SDC3: variants seen among roughly 807,000 people sequenced by gnomAD.
SDC3 encodes the protein syndecan-3.
Under a neutral mutation model 24.4 loss-of-function variants are expected in SDC3, and 13 were observed. The ratio of observed to expected loss-of-function variants is 0.53; its 90% CI spans 0.35 to 0.85. The LOEUF is 0.85. Ranked by LOEUF, SDC3 falls within the 40% of genes least tolerant of loss-of-function variation. The pLI, the probability that SDC3 is intolerant of heterozygous loss-of-function variation, is 0.01. For missense variants in SDC3, 571 were observed against 584.5 expected (o/e 0.98, Z 0.24); for synonymous variants, 295 against 260.9 (o/e 1.13, Z -1.26).
chr1:30,909,105 G>A (rs1055104840), upstream of SDC3, among the ~76,000 whole-genome samples: 2 of 152,166 alleles, frequency 1.3e-5, no homozygotes, highest in Non-Finnish European at 2.9e-5. Context: ...GCCGAGCGGA[G>A]GGGTCGCATG....
chr1:30,891,615 C>T (rs1393910103), intron 1 of SDC3, among the ~76,000 whole-genome samples: 11 of 152,152 alleles, frequency 7.2e-5, no homozygotes, highest in Admixed American at 6.5e-4. Flanking sequence ...CAGTGGCTCA[C>T]ACCTGTAATC....
chr1:30,908,466 C>CCAGCAG lies in SDC3; in HGVS notation c.115_120dup (p.Leu39_Leu40dup). On this transcript the variant is annotated inframe_insertion, in exon 1 of 5. Transcript: ENST00000339394. ...TCACTCACCCCCGCGGCGCGCCCCG[C>CCAGCAG]CAGCAGCAGCAGCAGCAGCGGTGGC... 1.4e-5 allele frequency: 14 copies of CCAGCAG among 1,033,628 alleles called. No individual in the cohort carries two copies. Among genetic ancestry groups the CCAGCAG allele is most frequent in the East Asian group, 1.0e-4 (1 of 9,542 alleles). 64.0% of individuals were successfully genotyped at this position (1,033,628 alleles called of 1,614,324 possible). A position where few individuals can be genotyped will look rare whatever the true frequency, so the allele number is the denominator to read the frequency against.
rs1639660213 is a variant in SDC3 at position 30,877,174 on chromosome 1, G to A, written c.257-9C>T. 1 of 1,613,642 alleles carries A rather than the reference G, an allele frequency of 6.2e-7. No homozygotes were observed. ...CGACTCCTGCTCGAAGTCTGAGGGGGTGGGGGAGAGGGAGAGAGCTAGGGA... is the reference window on the plus strand; with the variant it reads ...CGACTCCTGCTCGAAGTCTGAGGGGATGGGGGAGAGGGAGAGAGCTAGGGA... On this transcript the variant is annotated splice_polypyrimidine_tract_variant and intron_variant, in intron 2 of 4. Coordinates refer to ENST00000339394, the MANE Select transcript of SDC3 (RefSeq NM_014654.4).
intron 3 of SDC3, 112 bp downstream of exon 3, chr1:30,876,440 G>A: frequency 1.1e-6 from 1 of 904,870 alleles, no homozygotes; most frequent in Non-Finnish European, 1.6e-6. Flanking sequence ...CACTTTGTCT[G>A]GCTCATCTCT....
At chr1:30,896,383 T>C (rs1339752343) in intron 1 of SDC3, among the ~76,000 whole-genome samples, 2 of 151,964 alleles carry the variant, frequency 1.3e-5, no homozygotes, top group Non-Finnish European at 2.9e-5. Flanking sequence ...AATAACATAA[T>C]TGGGCTTGGC....
At chr1:30,879,694 T>C (rs59139154) in intron 1 of SDC3, among the ~76,000 whole-genome samples, 5,962 of 152,254 alleles carry the variant, frequency 0.039, 388 homozygotes, top group African/African-American at 0.13. Context: ...ACTGTCTTTC[T>C]ATCCTTCCCA....
intron 1 of SDC3, among the ~76,000 whole-genome samples, chr1:30,889,339 C>G (rs777115710): frequency 6.6e-6 from 1 of 152,196 alleles, no homozygotes; most frequent in East Asian, 1.9e-4. Context: ...GCAAATGGAA[C>G]AATGATATGG....
intron 1 of SDC3, among the ~76,000 whole-genome samples, chr1:30,907,474 C>A (rs574525450): frequency 1.3e-5 from 2 of 152,340 alleles, no homozygotes; most frequent in African/African-American, 4.8e-5. Context: ...CCCCATGCAC[C>A]TGCATGCACA....
At chr1:30,896,338 T>C (rs1322290057) in intron 1 of SDC3, among the ~76,000 whole-genome samples, 1 of 152,130 alleles carries the variant, frequency 6.6e-6, no homozygotes, top group African/African-American at 2.4e-5. Flanking sequence ...GTGGTAACAA[T>C]GTAACCCTGA....
chr1:30,896,827 G>A (rs879377545), intron 1 of SDC3, among the ~76,000 whole-genome samples: 3 of 152,186 alleles, frequency 2.0e-5, no homozygotes, highest in Non-Finnish European at 4.4e-5. Flanking sequence ...GCCAGGCATG[G>A]TGGCATGGGC....
chr1:30,877,244 C>T lies in SDC3; in HGVS notation c.257-79G>A, dbSNP rs762309333. 2.5e-6 allele frequency: 4 copies of T among 1,573,404 alleles called. No homozygotes were observed. The South Asian group carries it at 4.5e-5, about 18-fold the overall frequency. On this transcript the variant is annotated intron_variant, in intron 2 of 4. Coordinates refer to ENST00000339394, the MANE Select transcript of SDC3 (RefSeq NM_014654.4). ...CATGAGGATCCCAGGTAAGCAATGG[C>T]CATCAAGATTAGGTCTCCCAACCCC...
intron 1 of SDC3, among the ~76,000 whole-genome samples, chr1:30,898,669 C>T (rs1258469649): frequency 6.6e-6 from 1 of 152,180 alleles, no homozygotes; most frequent in Non-Finnish European, 1.5e-5. Flanking sequence ...AGCAGGCCTC[C>T]CCTCCCCACC....
In SDC3 at chr1:30,869,536, C is replaced by CAAAAAAA. The variant is rs11338317; in HGVS notation, c.*3668_*3674dup. 49 of 348,150 alleles carry CAAAAAAA rather than the reference C, an allele frequency of 1.4e-4. No homozygotes were observed. The highest frequency in any genetic ancestry group is 3.4e-4 in the African/African-American group (13 of 38,430). The allele number at this position is 348,150 out of a possible 1,614,324, so 21.6% of individuals were successfully genotyped here. ...AGGAAGTGTTAAAAAAACAAACAAA[C>CAAAAAAA]AAAAAAAAAAAAAAAAAAAAAAAAA... On this transcript the variant is annotated 3_prime_UTR_variant, in exon 5 of 5. Transcript: ENST00000339394.
At chr1:30,899,845 C>T (rs911625249) in intron 1 of SDC3, among the ~76,000 whole-genome samples, 39 of 152,104 alleles carry the variant, frequency 2.6e-4, no homozygotes, top group African/African-American at 8.0e-4. Flanking sequence ...AGGACACACA[C>T]GACACAACTG....
intron 3 of SDC3, among the ~76,000 whole-genome samples, chr1:30,875,032 G>C (rs187284577): frequency 9.8e-4 from 150 of 152,318 alleles, no homozygotes; most frequent in African/African-American, 3.5e-3. Context: ...CTAAGGCAGG[G>C]GAGCATTCTG....
intron 3 of SDC3, 124 bp from the exon 4 acceptor site, chr1:30,874,712 C>G (rs1210034564): frequency 1.1e-6 from 1 of 875,686 alleles, no homozygotes; most frequent in Admixed American, 2.3e-5. Flanking sequence ...GTGCTACACA[C>G]TATCCCCATG....
chr1:30,907,814 C>CCCTCCA (rs934013420), intron 1 of SDC3, among the ~76,000 whole-genome samples: 6 of 152,200 alleles, frequency 3.9e-5, no homozygotes, highest in Admixed American at 3.3e-4. Flanking sequence ...CACCAAGTCA[C>CCCTCCA]CCTCCACCTC....
At chr1:30,909,455 C>T (rs1557530427), upstream of SDC3, among the ~76,000 whole-genome samples, 1 of 152,190 alleles carries the variant, frequency 6.6e-6, no homozygotes, top group East Asian at 1.9e-4. Context: ...ACTCAGACCC[C>T]CCATGGTTGA....
Position 30,892,443 on chromosome 1 carries a change from GAAT to G in SDC3, c.139-13706_139-13704del, listed in dbSNP as rs1639921169. On this transcript the variant is annotated intron_variant, in intron 1 of 4. Transcript: ENST00000339394. ...AGCCCCAGGCCCCCAGGCCCCCAGGGAATGAATGAATGAATGAATGAATGATCC... is the reference window on the plus strand; with the variant it reads ...AGCCCCAGGCCCCCAGGCCCCCAGGGGAATGAATGAATGAATGAATGATCC... Among the ~76,000 whole-genome samples, 13 of 101,398 alleles carry G rather than the reference GAAT, an allele frequency of 1.3e-4. No homozygotes were observed. In the South Asian group the frequency reaches 5.3e-3, roughly 41 times the overall value. 66.5% of individuals were successfully genotyped at this position (101,398 alleles called of 152,430 possible).
Sources: allele counts gnomAD v4.1 joint callset (sites outside exome capture counted in the v4.1 genomes callset), GRCh38; gene constraint gnomAD v4.1.1; transcripts MANE v1.5; gene names NCBI Gene and HGNC (gene_info 2026-07-23, HGNC 2026-07-21).